GAB1: variants seen among roughly 807,000 people sequenced by gnomAD.
The protein encoded by GAB1 is GRB2 associated binding protein 1.
Under a neutral mutation model 66.5 loss-of-function variants are expected in GAB1, and 19 were observed. That is an observed-to-expected ratio of 0.29 (90% CI 0.20 to 0.42). The LOEUF (loss-of-function observed/expected upper bound fraction) is 0.42. Among genes scored for constraint, GAB1 ranks in the 10% least tolerant of loss-of-function variants. The probability of loss-of-function intolerance (pLI) is 1.00; values close to 1 mark genes in which losing one functional copy is unlikely to be tolerated. For missense variants in GAB1, 732 were observed against 858.5 expected (o/e 0.85, Z 1.84); for synonymous variants, 294 against 301.4 (o/e 0.98, Z 0.25).
chr4:143,419,408 C>T (rs1235458568), intron 2 of GAB1, among the ~76,000 whole-genome samples: 2 of 152,050 alleles, frequency 1.3e-5, no homozygotes, highest in African/African-American at 4.8e-5. Context: ...GTGATCTTTT[C>T]AGTGCAGAAC....
intron 1 of GAB1, among the ~76,000 whole-genome samples, chr4:143,363,268 G>A (rs1467387226): frequency 6.6e-6 from 1 of 152,108 alleles, no homozygotes; most frequent in Non-Finnish European, 1.5e-5. Flanking sequence ...CATTTATCAT[G>A]AGTTGTGAGA....
intron 1 of GAB1, among the ~76,000 whole-genome samples, chr4:143,393,076 CT>C (rs1037485392): frequency 6.6e-6 from 1 of 151,944 alleles, no homozygotes; most frequent in African/African-American, 2.4e-5. Flanking sequence ...TACATTGAAT[CT>C]TTCAGTTTTG....
At chr4:143,373,829 C>G (rs896204399) in intron 1 of GAB1, among the ~76,000 whole-genome samples, 3 of 105,498 alleles carry the variant, frequency 2.8e-5, no homozygotes, top group African/African-American at 1.1e-4. Flanking sequence ...AACCCTCTCT[C>G]TCTCTCTCTC....
At chr4:143,451,029 A>G (rs1250674982) in intron 6 of GAB1, among the ~76,000 whole-genome samples, 1 of 152,206 alleles carries the variant, frequency 6.6e-6, no homozygotes, top group African/African-American at 2.4e-5. Context: ...CAAACAAGGA[A>G]AAGGTTGCTC....
At chr4:143,348,540 T>G (rs2149645928) in intron 1 of GAB1, among the ~76,000 whole-genome samples, 1 of 152,392 alleles carries the variant, frequency 6.6e-6, no homozygotes, top group African/African-American at 2.4e-5. Flanking sequence ...GCCTAGGCGA[T>G]ATTTGCCTTT....
chr4:143,462,294 T>A (rs1735533573), intron 8 of GAB1, among the ~76,000 whole-genome samples: 1 of 152,170 alleles, frequency 6.6e-6, no homozygotes, highest in African/African-American at 2.4e-5. Flanking sequence ...AGTAAAACTC[T>A]AAATCCTAAA....
intron 1 of GAB1, among the ~76,000 whole-genome samples, chr4:143,383,889 A>G (rs1250167529): frequency 2.0e-5 from 3 of 152,130 alleles, no homozygotes; most frequent in Non-Finnish European, 4.4e-5. Context: ...AGCTTGGTCA[A>G]CCTAGCAAGA....
chr4:143,406,249 A>G (rs1443348941), intron 1 of GAB1, among the ~76,000 whole-genome samples: 3 of 152,186 alleles, frequency 2.0e-5, no homozygotes, highest in Non-Finnish European at 4.4e-5. Context: ...CTAGGTATTT[A>G]GCCACATTTT....
chr4:143,399,860 A>T (rs1472202596), intron 1 of GAB1, among the ~76,000 whole-genome samples: 3 of 151,628 alleles, frequency 2.0e-5, no homozygotes, highest in Non-Finnish European at 4.4e-5. Context: ...TTGTGTATTG[A>T]TGACTGTAAT....
intron 1 of GAB1, among the ~76,000 whole-genome samples, chr4:143,363,107 C>T (rs548367700): frequency 6.6e-6 from 1 of 152,306 alleles, no homozygotes; most frequent in South Asian, 2.1e-4. Flanking sequence ...AATTCAAACC[C>T]GCATGTATCT....
rs905902259 is a variant in GAB1 at position 143,470,809 on chromosome 4, T to A, written c.*1620T>A. The A allele has an allele frequency of 6.6e-6, 1 of 152,228 alleles. No individual in the cohort carries two copies. Among genetic ancestry groups the A allele is most frequent in the African/African-American group, 2.4e-5 (1 of 41,470 alleles). 9.4% of individuals were successfully genotyped at this position (152,228 alleles called of 1,614,324 possible). A position where few individuals can be genotyped will look rare whatever the true frequency, so the allele number is the denominator to read the frequency against. On this transcript the variant is annotated 3_prime_UTR_variant, in exon 10 of 10. Transcript: ENST00000262994. ...CCATTGGCCATAGTACTGTGCCTAA[T>A]CAATGTAATAGGTTTATTTTCCCAA...
chr4:143,457,595 CTTT>C (rs144852070), intron 6 of GAB1: 4,078 of 291,758 alleles, frequency 0.014, no homozygotes, highest in East Asian at 0.019. Context: ...GGCTCTGTTG[CTTT>C]TTTTTTTTTT....
rs991357606 is a variant in GAB1 at position 143,440,117 on chromosome 4, T to C, written c.1320T>C (p.Ser440=). ...TGTTGACAGTGGGAAGTGTTTCAAG[T>C]GAAGAACTGGATGAAAATTACGTCC... ...KNVLTVGSVS[S]EELDENYVPM... is the part of the protein sequence containing the mutation. The change falls in exon 6 of 10, where the codon AGT becomes AGC. Residue 440 remains serine (S), a synonymous_variant. Transcript: ENST00000262994. 2 of 1,614,054 alleles carry C rather than the reference T, an allele frequency of 1.2e-6. No homozygotes were observed. Among genetic ancestry groups the C allele is most frequent in the African/African-American group, 2.7e-5 (2 of 74,926 alleles).
intron 6 of GAB1, among the ~76,000 whole-genome samples, chr4:143,447,889 A>G (rs371848135): frequency 7.6e-4 from 115 of 151,992 alleles, no homozygotes; most frequent in Non-Finnish European, 2.5e-4. Flanking sequence ...AATGCTTCCA[A>G]TTTTTGCCCA....
rs1438184508 is a variant in GAB1 at position 143,402,146 on chromosome 4, A to C, written c.73-13331A>C. 5.3e-5 allele frequency among the ~76,000 whole-genome samples: 8 copies of C among 152,196 alleles called. No homozygotes were observed. In the South Asian group the frequency reaches 8.3e-4, roughly 16 times the overall value. On this transcript the variant is annotated intron_variant, in intron 1 of 9. Coordinates refer to ENST00000262994, the MANE Select transcript of GAB1 (RefSeq NM_002039.4). Reference sequence around the variant, plus strand: ...AAAATTTAAACCAATGCTATCCAAAAATTAATATCTAAGAATAACTTCGCA... The same window carrying C: ...AAAATTTAAACCAATGCTATCCAAACATTAATATCTAAGAATAACTTCGCA...
In GAB1 at chr4:143,433,511, A is replaced by T; in HGVS notation, c.388A>T (p.Ser130Cys). 6.2e-7 allele frequency: 1 copy of T among 1,613,898 alleles called. No individual in the cohort carries two copies. The highest frequency in any genetic ancestry group is 8.5e-7 in the Non-Finnish European group (1 of 1,179,806). ...TEEDPVKPPG[S>C]SLQAPADLPL... is the part of the protein sequence containing the mutation. Reference sequence around the variant, plus strand: ...TGCAGATCCTGTGAAGCCACCTGGCAGCTCTTTACAAGCACCAGCTGATTT... The same window carrying T: ...TGCAGATCCTGTGAAGCCACCTGGCTGCTCTTTACAAGCACCAGCTGATTT... The change falls in exon 3 of 10, where the codon AGC becomes TGC. Residue 130 changes from serine (S) to cysteine (C), a missense_variant. Physicochemically the swap from Ser to Cys is moderately radical, Grantham distance 112 (BLOSUM62 -1). Coordinates refer to ENST00000262994, the MANE Select transcript of GAB1 (RefSeq NM_002039.4).
At chr4:143,370,122 A>T (rs936358244) in intron 1 of GAB1, among the ~76,000 whole-genome samples, 9 of 152,248 alleles carry the variant, frequency 5.9e-5, no homozygotes, top group Non-Finnish European at 1.5e-5. Context: ...GGAACATTTC[A>T]TAAAAAGACA....
intron 1 of GAB1, among the ~76,000 whole-genome samples, chr4:143,375,244 G>A (rs1159755293): frequency 6.6e-6 from 1 of 152,288 alleles, no homozygotes; most frequent in East Asian, 1.9e-4. Flanking sequence ...CACTGCACCC[G>A]GCCTGAAAAC....
At chr4:143,377,034 TG>T (rs1330734373) in intron 1 of GAB1, 2 of 151,958 alleles carry the variant, frequency 1.3e-5, no homozygotes, top group Non-Finnish European at 2.9e-5. Context: ...ACCTGCTCTT[TG>T]AGGTAGAGTA....
Sources: allele counts gnomAD v4.1 joint callset (sites outside exome capture counted in the v4.1 genomes callset), GRCh38; gene constraint gnomAD v4.1.1; transcripts MANE v1.5; gene names NCBI Gene and HGNC (gene_info 2026-07-23, HGNC 2026-07-21).